AP3B1: variants seen among roughly 807,000 people sequenced by gnomAD.
AP3B1 encodes AP-3 complex subunit beta-1.
In AP3B1, 61 loss-of-function variants were observed where a neutral mutation model predicts 132.5. The observed-to-expected ratio is 0.46, with a 90% CI of 0.37 to 0.57. The LOEUF is 0.57. AP3B1 is among the 20% of genes least tolerant of loss of function. The pLI is 0.00. For missense variants in AP3B1, 1,120 were observed against 1,289.4 expected (o/e 0.87, Z 2.01); for synonymous variants, 388 against 438.3 (o/e 0.89, Z 1.43).
intron 3 of AP3B1, among the ~76,000 whole-genome samples, chr5:78,233,968 A>G (rs896408870): frequency 1.3e-5 from 2 of 152,078 alleles, no homozygotes; most frequent in Non-Finnish European, 2.9e-5. Context: ...GAAAAAAATT[A>G]TATTTTATTT....
chr5:78,259,185 T>G (rs1021395688), intron 2 of AP3B1, among the ~76,000 whole-genome samples: 1 of 151,340 alleles, frequency 6.6e-6, no homozygotes, highest in Admixed American at 6.6e-5. Context: ...GAGGTGGAGC[T>G]TGCAGTGAGC....
chr5:78,137,360 C>G (rs1752963918), intron 15 of AP3B1, among the ~76,000 whole-genome samples: 1 of 152,114 alleles, frequency 6.6e-6, no homozygotes, highest in East Asian at 1.9e-4. Flanking sequence ...CAGCCAAAAA[C>G]TTAGGTACAA....
rs111287205 is a variant in AP3B1, at chr5:78,128,230, G to C, written c.1838-70C>G. On this transcript the variant is annotated intron_variant, in intron 16 of 26. Transcript: ENST00000255194. ...ATATAACAGAGAACAATCATAATCAGAGCTCAAGGTAATTGGCATATTACC... is the reference window on the plus strand; with the variant it reads ...ATATAACAGAGAACAATCATAATCACAGCTCAAGGTAATTGGCATATTACC... The C allele has an allele frequency of 2.6e-4, 354 of 1,363,564 alleles. 6 individuals carry two copies. The African/African-American group carries it at 3.8e-3, about 15-fold the overall frequency. 84.5% of individuals were successfully genotyped at this position (1,363,564 alleles called of 1,614,324 possible). A position where few individuals can be genotyped will look rare whatever the true frequency, so the allele number is the denominator to read the frequency against.
intron 1 of AP3B1, among the ~76,000 whole-genome samples, chr5:78,292,301 T>C (rs755160923): frequency 6.6e-6 from 1 of 152,236 alleles, no homozygotes; most frequent in African/African-American, 2.4e-5. Context: ...TCCTTGTTTC[T>C]GTACAATTCC....
In AP3B1 at chr5:78,193,747, TATA is replaced by T. The variant is rs1561469491; in HGVS notation, c.787-12088_787-12086del. ...TTAAATATTTGTATATATTTTTTTA[TATA>T]TATATATATATATATATATATTTTT... On this transcript the variant is annotated intron_variant, in intron 7 of 26. Transcript: ENST00000255194. Among the ~76,000 whole-genome samples the T allele has an allele frequency of 1.3e-3, 35 of 27,098 alleles. 1 individual carries two copies. The highest frequency in any genetic ancestry group is 3.7e-3 in the African/African-American group (8 of 2,162). The allele number at this position is 27,098 out of a possible 152,430, so 17.8% of individuals were successfully genotyped here.
At chr5:78,215,339 T>C (rs1485203242) in intron 7 of AP3B1, among the ~76,000 whole-genome samples, 5 of 152,108 alleles carry the variant, frequency 3.3e-5, no homozygotes, top group Admixed American at 3.3e-4. Context: ...GGTTTAAAAT[T>C]ACCTTAAATC....
chr5:78,201,253 C>G (rs1745277315), intron 7 of AP3B1, among the ~76,000 whole-genome samples: 1 of 152,162 alleles, frequency 6.6e-6, no homozygotes, highest in South Asian at 2.1e-4. Flanking sequence ...CTGACAGGTT[C>G]TTGCGGAACC....
At chr5:78,284,037 G>GT (rs1424121842) in intron 1 of AP3B1, among the ~76,000 whole-genome samples, 1 of 152,066 alleles carries the variant, frequency 6.6e-6, no homozygotes, top group East Asian at 1.9e-4. Context: ...TGTTCCCTAT[G>GT]TAAGCCATAA....
At chr5:78,015,801 G>T in intron 25 of AP3B1, 1 of 432,062 alleles carries the variant, frequency 2.3e-6, no homozygotes, top group South Asian at 2.3e-5. Flanking sequence ...AGTATGATAG[G>T]ATAAAAACTT....
chr5:78,225,917 C>T (rs2112492418), intron 5 of AP3B1, among the ~76,000 whole-genome samples: 1 of 152,016 alleles, frequency 6.6e-6, no homozygotes, highest in South Asian at 2.1e-4. Flanking sequence ...AGATAAACCA[C>T]AAACTCTTTT....
intron 17 of AP3B1, among the ~76,000 whole-genome samples, chr5:78,118,752 G>T (rs541370753): frequency 3.3e-5 from 5 of 151,782 alleles, no homozygotes; most frequent in East Asian, 1.9e-4. Context: ...TGGGGCCAGG[G>T]CACAGACAAA....
intron 7 of AP3B1, among the ~76,000 whole-genome samples, chr5:78,201,036 C>T (rs990018204): frequency 4.6e-5 from 7 of 152,060 alleles, no homozygotes. Flanking sequence ...TAGGAATATG[C>T]GGACACAGTG....
chr5:78,289,943 A>G (rs1223215974), intron 1 of AP3B1, among the ~76,000 whole-genome samples: 2 of 152,170 alleles, frequency 1.3e-5, no homozygotes, highest in Non-Finnish European at 2.9e-5. Context: ...TACTCTGCCT[A>G]AAGAATCCAT....
At chr5:78,129,069 T>C in intron 16 of AP3B1, 52 bp downstream of exon 16, 2 of 1,485,958 alleles carry the variant, frequency 1.3e-6, no homozygotes, top group Non-Finnish European at 9.2e-7. Flanking sequence ...TGGCAACATC[T>C]TGTCATAATT....
chr5:78,289,485 C>G (rs1467950348), intron 1 of AP3B1, among the ~76,000 whole-genome samples: 1 of 152,124 alleles, frequency 6.6e-6, no homozygotes, highest in African/African-American at 2.4e-5. Context: ...GAAAAGCCCA[C>G]CCCGATTTAA....
At chr5:78,188,065 CT>C (rs1341404094) in intron 7 of AP3B1, among the ~76,000 whole-genome samples, 1 of 152,174 alleles carries the variant, frequency 6.6e-6, no homozygotes, top group Non-Finnish European at 1.5e-5. Flanking sequence ...TTCCTTACAT[CT>C]TATACAAAAA....
At chr5:78,079,397 G>T (rs947264384) in intron 22 of AP3B1, among the ~76,000 whole-genome samples, 1 of 152,124 alleles carries the variant, frequency 6.6e-6, no homozygotes, top group Non-Finnish European at 1.5e-5. Context: ...ATGGAATGAA[G>T]GATGGACTAA....
At chr5:78,153,343 A>G (rs1345376473) in intron 14 of AP3B1, among the ~76,000 whole-genome samples, 2 of 151,654 alleles carry the variant, frequency 1.3e-5, no homozygotes, top group African/African-American at 4.8e-5. Context: ...AGAGACAGAC[A>G]TTTTGTCTGA....
At chr5:78,115,141 C>T (rs762876988) in intron 18 of AP3B1, among the ~76,000 whole-genome samples, 6 of 152,054 alleles carry the variant, frequency 3.9e-5, no homozygotes, top group Non-Finnish European at 7.4e-5. Flanking sequence ...TGGTAATATC[C>T]AAGTTACACG....
Sources: gnomAD v4.1 joint callset for allele counts (sites outside exome capture counted in the v4.1 genomes callset) on GRCh38, gnomAD v4.1.1 for gene constraint, MANE v1.5 for transcripts, NCBI Gene and HGNC (gene_info 2026-07-23, HGNC 2026-07-21) for gene names.